SPAG17: variants seen among roughly 807,000 people sequenced by gnomAD.
SPAG17 encodes sperm-associated antigen 17.
A neutral mutation model predicts 273.6 loss-of-function variants in SPAG17; 169 were observed. The ratio of observed to expected loss-of-function variants is 0.62; its 90% CI spans 0.55 to 0.70. SPAG17 has a LOEUF of 0.70. SPAG17 is among the 30% of genes least tolerant of loss of function. The probability of loss-of-function intolerance (pLI) is 0.00; values close to 1 mark genes in which losing one functional copy is unlikely to be tolerated. For synonymous variants in SPAG17, 825 were observed against 873.2 expected (o/e 0.94, Z 0.97); for missense variants, 2,557 against 2,627.8 (o/e 0.97, Z 0.59).
intron 40 of SPAG17, 75 bp downstream of exon 40, chr1:117,987,758 AT>A (rs1402968746): frequency 8.2e-6 from 12 of 1,461,058 alleles, no homozygotes; most frequent in Non-Finnish European, 1.0e-5. Flanking sequence ...CTGGCAGGAC[AT>A]TTTGGCCTAT....
intron 38 of SPAG17, among the ~76,000 whole-genome samples, chr1:117,989,681 T>TCCTC (rs1656853204): frequency 6.6e-6 from 1 of 152,098 alleles, no homozygotes; most frequent in Non-Finnish European, 1.5e-5. Context: ...GCGAAAGCTA[T>TCCTC]CCTCCCACCT....
At chr1:118,035,806 GCCACAGATTT>G (rs988820194) in intron 24 of SPAG17, among the ~76,000 whole-genome samples, 2 of 152,148 alleles carry the variant, frequency 1.3e-5, no homozygotes, top group African/African-American at 2.4e-5. Flanking sequence ...TGCATGGGAA[GCCACAGATTT>G]CCCAATTGAT....
At chr1:118,180,558 T>C (rs1296750917) in intron 1 of SPAG17, among the ~76,000 whole-genome samples, 1 of 151,996 alleles carries the variant, frequency 6.6e-6, no homozygotes, top group Non-Finnish European at 1.5e-5. Flanking sequence ...CAATAATCTA[T>C]CATATATTTC....
At chr1:118,077,291 A>G (rs1654181237) in intron 15 of SPAG17, among the ~76,000 whole-genome samples, 1 of 152,102 alleles carries the variant, frequency 6.6e-6, no homozygotes, top group South Asian at 2.1e-4. Flanking sequence ...CCCCCTTTCA[A>G]ATGGAATGGC....
intron 28 of SPAG17, among the ~76,000 whole-genome samples, chr1:118,019,256 C>T (rs1249438261): frequency 6.6e-6 from 1 of 151,236 alleles, no homozygotes; most frequent in African/African-American, 2.4e-5. Flanking sequence ...TTATGTGATT[C>T]CAGAAATAAA....
intron 20 of SPAG17, among the ~76,000 whole-genome samples, chr1:118,050,594 A>T (rs796518319): frequency 6.6e-6 from 1 of 152,236 alleles, no homozygotes; most frequent in South Asian, 2.1e-4. Flanking sequence ...AAATCCACAC[A>T]TGTACAGTCA....
chr1:117,983,570 T>C (rs935245916), intron 42 of SPAG17, among the ~76,000 whole-genome samples: 1 of 152,242 alleles, frequency 6.6e-6, no homozygotes, highest in African/African-American at 2.4e-5. Context: ...CTTTCATTAC[T>C]TCCTTGCTTT....
At chr1:117,981,176 A>T in intron 43 of SPAG17, 94 bp downstream of exon 43, 1 of 1,361,470 alleles carries the variant, frequency 7.3e-7, no homozygotes, top group Non-Finnish European at 9.7e-7. Flanking sequence ...TTTTTCTGTA[A>T]CTCTCAACCT....
intron 24 of SPAG17, among the ~76,000 whole-genome samples, chr1:118,033,404 C>T (rs949557789): frequency 6.6e-6 from 1 of 152,140 alleles, no homozygotes; most frequent in African/African-American, 2.4e-5. Flanking sequence ...TTTTTTGACT[C>T]ATCCTACACA....
Position 117,966,704 on chromosome 1 carries a change from G to A in SPAG17, c.6437C>T (p.Ala2146Val). 6.2e-7 allele frequency: 1 copy of A among 1,614,018 alleles called. No individual in the cohort carries two copies. The highest frequency in any genetic ancestry group is 8.5e-7 in the Non-Finnish European group (1 of 1,179,974). ...TCCCTTGGCCCCATCCTCTCCAACA[G>A]CTGTGGCAAATAACTCTATATTCAG... ...TELNIELFAT[A>V]VGEDGAKGSA... Residue 2146 changes from alanine to valine, a missense_variant, in exon 47 of 49, where the codon GCT becomes GTT. By Grantham distance (64) the Ala-to-Val change is moderately conservative (BLOSUM62 0). Coordinates refer to ENST00000336338, the MANE Select transcript of SPAG17 (RefSeq NM_206996.4).
Position 118,008,206 on chromosome 1 carries a change from C to A in SPAG17, c.4433-8G>T, listed in dbSNP as rs763113430. On this transcript the variant is annotated splice_region_variant and splice_polypyrimidine_tract_variant and intron_variant, in intron 30 of 48. Coordinates refer to ENST00000336338, the MANE Select transcript of SPAG17 (RefSeq NM_206996.4). ...CAGTCCGAGGACCCTCGGCTACAAG[C>A]AAATGCAAGGTAAGCAGATCTGATA... 14 of 1,613,386 alleles carry A rather than the reference C, an allele frequency of 8.7e-6. No individual in the cohort carries two copies. Among genetic ancestry groups the A allele is most frequent in the Non-Finnish European group, 1.2e-5 (14 of 1,179,770 alleles).
chr1:117,997,646 T>C (rs1003174131), intron 32 of SPAG17, among the ~76,000 whole-genome samples: 51 of 151,804 alleles, frequency 3.4e-4, no homozygotes, highest in African/African-American at 1.2e-3. Context: ...ACAGGCACGA[T>C]AGTAAATATT....
chr1:118,177,354 C>T (rs1348108385), intron 1 of SPAG17, among the ~76,000 whole-genome samples: 15 of 152,130 alleles, frequency 9.9e-5, no homozygotes, highest in South Asian at 4.1e-4. Flanking sequence ...TAAGATCTTG[C>T]GAGATTCCCT....
chr1:118,153,543 A>G (rs1452221196), intron 1 of SPAG17, among the ~76,000 whole-genome samples: 1 of 152,194 alleles, frequency 6.6e-6, no homozygotes, highest in African/African-American at 2.4e-5. Context: ...ACATGTGTAT[A>G]GGCCTTCAAA....
At position 118,093,217 on chromosome 1, in the gene SPAG17, AGCT is replaced by A; in HGVS notation, c.1109_1111del (p.Gln370del). Reference sequence around the variant, plus strand: ...ATTAACCACTTGTGGAACATTAATAAGCTGCATGCTTTCCAAATAGTGCTGGTG... The same window carrying A: ...ATTAACCACTTGTGGAACATTAATAAGCATGCTTTCCAAATAGTGCTGGTG... On this transcript the variant is annotated inframe_deletion, in exon 8 of 49. Transcript: ENST00000336338. The A allele has an allele frequency of 6.2e-7, 1 of 1,613,842 alleles. No homozygotes were observed. Among genetic ancestry groups the A allele is most frequent in the South Asian group, 1.1e-5 (1 of 91,050 alleles).
intron 46 of SPAG17, among the ~76,000 whole-genome samples, chr1:117,967,486 C>G (rs189023216): frequency 3.2e-4 from 49 of 151,896 alleles, no homozygotes; most frequent in African/African-American, 1.2e-3. Context: ...AAAAAAATCG[C>G]AAAAAAATCT....
At chr1:118,021,299 T>G (rs1473902102) in intron 28 of SPAG17, among the ~76,000 whole-genome samples, 3 of 152,166 alleles carry the variant, frequency 2.0e-5, no homozygotes, top group Non-Finnish European at 4.4e-5. Flanking sequence ...GAACCTGGTC[T>G]AGAAAGGCTA....
In SPAG17 at chr1:117,973,434, A is replaced by G. The variant is rs776985242; in HGVS notation, c.6132T>C (p.Pro2044=). The G allele has an allele frequency of 3.1e-6, 5 of 1,612,368 alleles. No individual in the cohort carries two copies. The highest frequency in any genetic ancestry group is 1.6e-4 in the Middle Eastern group (1 of 6,072). Residue 2044 remains proline, a synonymous_variant, in exon 44 of 49, where the codon CCT becomes CCC. Coordinates refer to ENST00000336338, the MANE Select transcript of SPAG17 (RefSeq NM_206996.4). ...CCAATGTTTGTTTTACCTTTGCAAG[A>G]GGTTGAGACTTAGGCTTGGAACTCA... The part of the protein sequence containing the change: ...YLLSSKPKSQ[P]LAKVQDSVGG...
chr1:117,981,261 C>T lies in SPAG17; in HGVS notation c.6004+9G>A. ...TCAAGAAGCAATAAGATAAAAAAGA[C>T]TGCCATACCTTCAGGAGATTTTGTT... On this transcript the variant is annotated intron_variant, in intron 43 of 48. Transcript: ENST00000336338. 6.4e-7 allele frequency: 1 copy of T among 1,552,206 alleles called. No individual in the cohort carries two copies. The highest frequency in any genetic ancestry group is 8.6e-7 in the Non-Finnish European group (1 of 1,159,408).
Sources: gnomAD v4.1 joint callset for allele counts (sites outside exome capture counted in the v4.1 genomes callset) on GRCh38, gnomAD v4.1.1 for gene constraint, MANE v1.5 for transcripts, NCBI Gene and HGNC (gene_info 2026-07-23, HGNC 2026-07-21) for gene names.